The following ANK2 variants were observed in gnomAD, a reference collection of about 807,000 sequenced individuals.
ANK2 encodes ankyrin 2.
A neutral mutation model predicts 360.5 loss-of-function variants in ANK2; 83 were observed. The observed-to-expected ratio is 0.23, with a 90% CI of 0.19 to 0.28. ANK2 has a LOEUF of 0.28. ANK2 is among the 10% of genes least tolerant of loss of function. The pLI is 1.00. For synonymous variants in ANK2, 1,740 were observed against 1,759.5 expected, an observed-to-expected ratio of 0.99 and a Z score of 0.28; for missense variants, 4,201 against 4,795.7, an observed-to-expected ratio of 0.88 and a Z score of 3.66.
intron 2 of ANK2, among the ~76,000 whole-genome samples, chr4:112,952,374 T>A (rs1443397251): frequency 6.6e-6 from 1 of 152,226 alleles, no homozygotes; most frequent in African/African-American, 2.4e-5. Context: ...AAAACTGGCT[T>A]GCAAAATTGA....
the ANK2 span, among the ~76,000 whole-genome samples, chr4:112,748,524 G>A: frequency 6.6e-6 from 1 of 152,080 alleles, no homozygotes; most frequent in African/African-American, 2.4e-5. Flanking sequence ...TTTCTAGCAT[G>A]CTTTATGTTT....
At chr4:113,156,187 TA>T (rs1234051316) in intron 1 of ANK2, among the ~76,000 whole-genome samples, 1 of 152,174 alleles carries the variant, frequency 6.6e-6, no homozygotes, top group African/African-American at 2.4e-5. Flanking sequence ...TGGGAAATGC[TA>T]AAAACAATGA....
chr4:112,908,917 GTTATACA>G (rs906560560), intron 2 of ANK2, among the ~76,000 whole-genome samples: 1 of 152,146 alleles, frequency 6.6e-6, no homozygotes, highest in African/African-American at 2.4e-5. Context: ...TCTTGTTCTA[GTTATACA>G]GAAGAAAATC....
chr4:113,245,589 C>T (rs1195675299), intron 9 of ANK2, among the ~76,000 whole-genome samples: 1 of 152,096 alleles, frequency 6.6e-6, no homozygotes, highest in Non-Finnish European at 1.5e-5. Context: ...CTCATGAGAA[C>T]TAACTCACTG....
chr4:112,913,698 G>A (rs2088599240), intron 2 of ANK2, among the ~76,000 whole-genome samples: 1 of 152,072 alleles, frequency 6.6e-6, no homozygotes, highest in Admixed American at 6.6e-5. Flanking sequence ...TGTTAGATAT[G>A]CATCATAAAG....
chr4:113,004,184 C>T (rs1345385923), intron 2 of ANK2, among the ~76,000 whole-genome samples: 5 of 152,060 alleles, frequency 3.3e-5, no homozygotes, highest in Non-Finnish European at 7.4e-5. Context: ...GCTTTTCTTT[C>T]TTCGATAATA....
At chr4:112,858,517 C>G (rs1182288982) in intron 1 of ANK2, among the ~76,000 whole-genome samples, 1 of 152,142 alleles carries the variant, frequency 6.6e-6, no homozygotes, top group Non-Finnish European at 1.5e-5. Context: ...AAAGTTGTGT[C>G]TAATCTATTA....
intron 25 of ANK2, 128 bp downstream of exon 25, chr4:113,317,937 A>G (rs1385208455): frequency 3.7e-6 from 3 of 815,600 alleles, no homozygotes; most frequent in Non-Finnish European, 6.2e-6. Context: ...AGAAGCTAGG[A>G]TAAGAGATTT....
At chr4:113,006,515 G>A (rs2154289929) in intron 2 of ANK2, among the ~76,000 whole-genome samples, 1 of 152,234 alleles carries the variant, frequency 6.6e-6, no homozygotes, top group African/African-American at 2.4e-5. Context: ...AGAAGTCTTG[G>A]TAATAATTTT....
the ANK2 span, among the ~76,000 whole-genome samples, chr4:112,761,222 C>T: frequency 6.6e-6 from 1 of 152,110 alleles, no homozygotes; most frequent in Non-Finnish European, 1.5e-5. Flanking sequence ...TTTACTTACC[C>T]AGTATGCTTG....
At chr4:113,249,935 T>A in intron 10 of ANK2, 73 bp downstream of exon 10, 1 of 1,381,500 alleles carries the variant, frequency 7.2e-7, no homozygotes, top group Non-Finnish European at 1.0e-6. Context: ...TATTCTTTTT[T>A]AAATTGAAAC....
intron 20 of ANK2, among the ~76,000 whole-genome samples, chr4:113,289,668 C>G (rs2066574455): frequency 6.6e-6 from 1 of 152,134 alleles, no homozygotes; most frequent in Non-Finnish European, 1.5e-5. Flanking sequence ...GAAACAAAAT[C>G]ATTTCTATAC....
At chr4:112,826,952 A>G in intron 1 of ANK2, 4 of 1,538,272 alleles carry the variant, frequency 2.6e-6, no homozygotes, top group East Asian at 2.2e-5. Flanking sequence ...TGGTTGGCAC[A>G]CTCATTCAGT....
At chr4:112,764,717 T>C in the ANK2 span, among the ~76,000 whole-genome samples, 1 of 151,750 alleles carries the variant, frequency 6.6e-6, no homozygotes, top group South Asian at 2.1e-4. Context: ...CTTTTTTTTT[T>C]TTTTTTTGAG....
chr4:113,067,268 T>A (rs901518788), intron 1 of ANK2, among the ~76,000 whole-genome samples: 17 of 151,888 alleles, frequency 1.1e-4, no homozygotes, highest in Non-Finnish European at 2.5e-4. Flanking sequence ...GTAGGAAGAA[T>A]AGGGAAATTA....
In ANK2 at chr4:112,961,367, T is replaced by C. The variant is rs1002131342; in HGVS notation, c.21+56853T>C. ...TGTGTAGAGTAACAATTATTTATTG[T>C]TTCTATCTCAGAAATAACTACTAAA... On this transcript the variant is annotated intron_variant, in intron 2 of 30. Coordinates refer to the ANK2 transcript ENST00000503271. 2.0e-5 allele frequency among the ~76,000 whole-genome samples: 3 copies of C among 152,270 alleles called. No homozygotes were observed. The South Asian group carries it at 6.2e-4, about 32-fold the overall frequency.
chr4:113,002,677 C>G (rs2051236989), intron 2 of ANK2, among the ~76,000 whole-genome samples: 1 of 152,086 alleles, frequency 6.6e-6, no homozygotes, highest in Non-Finnish European at 1.5e-5. Context: ...TTTCTAATTT[C>G]CAGGCTAGCC....
chr4:112,755,779 TG>T, the ANK2 span: 1 of 173,800 alleles, frequency 5.8e-6, no homozygotes, highest in Non-Finnish European at 1.2e-5. Flanking sequence ...ACATGTATCA[TG>T]CCAATAATAA....
intron 1 of ANK2, among the ~76,000 whole-genome samples, chr4:112,840,676 T>A (rs1002414175): frequency 6.6e-6 from 1 of 152,222 alleles, no homozygotes; most frequent in African/African-American, 2.4e-5. Context: ...ACATATACAA[T>A]GTCTTATATG....
Sources: gnomAD v4.1 joint callset for allele counts (sites outside exome capture counted in the v4.1 genomes callset) on GRCh38, gnomAD v4.1.1 for gene constraint, MANE v1.5 for transcripts, NCBI Gene and HGNC (gene_info 2026-07-23, HGNC 2026-07-21) for gene names.